The following SEMA5B variants were observed in gnomAD, a reference collection of about 807,000 sequenced individuals.
SEMA5B encodes semaphorin 5B.
Under a neutral mutation model 135.0 loss-of-function variants are expected in SEMA5B, and 66 were observed. The observed-to-expected ratio is 0.49, with a 90% confidence interval of 0.40 to 0.60. The LOEUF is 0.60. SEMA5B is among the 20% of genes least tolerant of loss of function. The pLI is 0.00. For synonymous variants in SEMA5B, 690 were observed against 639.5 expected, an observed-to-expected ratio of 1.08 and a Z score of -1.19; for missense variants, 1,501 against 1,566.3, an observed-to-expected ratio of 0.96 and a Z score of 0.70.
chr3:122,968,345 GAC>G (rs1361250332), intron 1 of SEMA5B, among the ~76,000 whole-genome samples: 1 of 152,236 alleles, frequency 6.6e-6, no homozygotes, highest in Non-Finnish European at 1.5e-5. Flanking sequence ...CAGGTGAAGA[GAC>G]AGAAATTCAT....
chr3:122,942,853 TC>T (rs1254647823), intron 4 of SEMA5B, among the ~76,000 whole-genome samples: 1 of 152,100 alleles, frequency 6.6e-6, no homozygotes, highest in African/African-American at 2.4e-5. Context: ...CTAAGCCCCC[TC>T]CCTACCAGAG....
chr3:122,951,865 C>T (rs1416607108), intron 2 of SEMA5B, among the ~76,000 whole-genome samples: 1 of 152,216 alleles, frequency 6.6e-6, no homozygotes, highest in Non-Finnish European at 1.5e-5. Flanking sequence ...CCTACTGCCC[C>T]TACCTTACTC....
chr3:123,005,959 G>C (rs1021459958), intron 1 of SEMA5B, among the ~76,000 whole-genome samples: 1 of 152,210 alleles, frequency 6.6e-6, no homozygotes, highest in Non-Finnish European at 1.5e-5. Context: ...AACACCACCT[G>C]TGTGACTTTG....
At chr3:122,985,767 G>C (rs758829054) in intron 1 of SEMA5B, among the ~76,000 whole-genome samples, 8 of 152,190 alleles carry the variant, frequency 5.3e-5, no homozygotes, top group African/African-American at 1.2e-4. Context: ...TCCCCCAACA[G>C]GGTGGCCACG....
chr3:122,951,391 T>C (rs1212025319), intron 2 of SEMA5B, among the ~76,000 whole-genome samples: 1 of 152,242 alleles, frequency 6.6e-6, no homozygotes, highest in Non-Finnish European at 1.5e-5. Context: ...TACCTTTTTA[T>C]ATTATTTTCA....
intron 1 of SEMA5B, among the ~76,000 whole-genome samples, chr3:122,971,850 G>A (rs1356817220): frequency 6.6e-6 from 1 of 152,254 alleles, no homozygotes; most frequent in Non-Finnish European, 1.5e-5. Context: ...TCCAGTGGGA[G>A]CAACAGGCAC....
rs34231441 is a variant in SEMA5B at position 122,928,583 on chromosome 3, G to T, written c.570C>A (p.Ile190=). The T allele has an allele frequency of 3.2e-6, 5 of 1,562,154 alleles. No individual in the cohort carries two copies. The highest frequency in any genetic ancestry group is 4.3e-6 in the Non-Finnish European group (5 of 1,152,570). The stretch of plus-strand genomic sequence containing the variant: ...ACATGAACACCTTCCGGCCGGCGAC[G>T]ATCAGGACTCGCACGTAGTTCTGAC... ...EECQNYVRVL[I]VAGRKVFMCG... Residue 190 remains isoleucine (I), a synonymous_variant, in exon 7 of 23, where the codon ATC becomes ATA. Transcript: ENST00000357599.
intron 1 of SEMA5B, among the ~76,000 whole-genome samples, chr3:122,991,174 G>A (rs1356138337): frequency 6.6e-6 from 1 of 152,232 alleles, no homozygotes; most frequent in East Asian, 1.9e-4. Context: ...ACTAGAAAGA[G>A]CTAGAGATTG....
intron 2 of SEMA5B, among the ~76,000 whole-genome samples, chr3:122,953,637 G>C (rs1940155199): frequency 6.6e-6 from 1 of 152,182 alleles, no homozygotes; most frequent in South Asian, 2.1e-4. Context: ...CTTCGCTCCA[G>C]GTGAGGCAAG....
chr3:122,915,788 G>A lies in SEMA5B; in HGVS notation c.1791C>T (p.Asn597=), dbSNP rs771971559. ...GGATTCTCACAGGACAGGCGGTGAT[G>A]TTCTGGGTCCAGAGGCTCATGTTGG... is the stretch of plus-strand genomic sequence containing the variant. ...DSSNMSLWTQ[N]ITACPVRNVT... The change falls in exon 13 of 23, where the codon AAC becomes AAT. Residue 597 remains asparagine, a synonymous_variant. Transcript: ENST00000357599. 4 of 1,614,084 alleles carry A rather than the reference G, an allele frequency of 2.5e-6. No individual in the cohort carries two copies. Among genetic ancestry groups the A allele is most frequent in the Middle Eastern group, 1.6e-4 (1 of 6,062 alleles).
chr3:123,011,383 G>T (rs1377916236), intron 1 of SEMA5B, among the ~76,000 whole-genome samples: 5 of 152,228 alleles, frequency 3.3e-5, no homozygotes, highest in African/African-American at 7.2e-5. Context: ...CAAGGTCAGG[G>T]TTGTGCAGTT....
At chr3:122,921,618 C>T (rs1938349197) in intron 12 of SEMA5B, among the ~76,000 whole-genome samples, 2 of 152,196 alleles carry the variant, frequency 1.3e-5, no homozygotes, top group Non-Finnish European at 2.9e-5. Context: ...TTGACTGGCC[C>T]TAGCTATGTG....
chr3:122,989,409 T>C (rs1576394264), intron 1 of SEMA5B, among the ~76,000 whole-genome samples: 2 of 152,194 alleles, frequency 1.3e-5, no homozygotes, highest in East Asian at 3.9e-4. Context: ...GTCCTGGCTC[T>C]GAACCTTCCC....
At chr3:123,001,295 G>A (rs9838814) in intron 1 of SEMA5B, among the ~76,000 whole-genome samples, 3,659 of 152,232 alleles carry the variant, frequency 0.024, 159 homozygotes, top group African/African-American at 0.082. Context: ...GAGTTTTTCT[G>A]TGGAGGCCTG....
chr3:123,016,579 T>C lies in SEMA5B; in HGVS notation c.-39+10885A>G, dbSNP rs549301790. ...AGATACATTTAAAAATTTAATTTAA[T>C]TTAATTTTTTTTAGAGACAGGATCT... On this transcript the variant is annotated intron_variant, in intron 1 of 22. Transcript: ENST00000357599. 2.0e-5 allele frequency among the ~76,000 whole-genome samples: 3 copies of C among 152,278 alleles called. No homozygotes were observed. The East Asian group carries it at 5.8e-4, about 29-fold the overall frequency.
chr3:122,979,106 A>G (rs879307001), intron 1 of SEMA5B, among the ~76,000 whole-genome samples: 3 of 152,166 alleles, frequency 2.0e-5, no homozygotes, highest in Non-Finnish European at 2.9e-5. Flanking sequence ...GAAAAGAACA[A>G]TGGGATAAAT....
intron 4 of SEMA5B, among the ~76,000 whole-genome samples, chr3:122,941,385 C>T (rs368824056): frequency 6.6e-6 from 1 of 152,342 alleles, no homozygotes; most frequent in Admixed American, 6.5e-5. Flanking sequence ...TCTGGGGAAG[C>T]CGCAGAGCGG....
chr3:122,971,044 C>T (rs1249296881), intron 1 of SEMA5B, among the ~76,000 whole-genome samples: 1 of 152,208 alleles, frequency 6.6e-6, no homozygotes, highest in African/African-American at 2.4e-5. Context: ...CAATAAAGAC[C>T]TGGTCCTGGA....
intron 5 of SEMA5B, among the ~76,000 whole-genome samples, chr3:122,930,772 G>A (rs1023123618): frequency 6.6e-6 from 1 of 152,206 alleles, no homozygotes; most frequent in Non-Finnish European, 1.5e-5. Context: ...AGAAAACAGT[G>A]AAACACATAG....
Sources: allele counts gnomAD v4.1 joint callset (sites outside exome capture counted in the v4.1 genomes callset), GRCh38; gene constraint gnomAD v4.1.1; transcripts MANE v1.5; gene names NCBI Gene and HGNC (gene_info 2026-07-23, HGNC 2026-07-21).